Variants in ADGRV1 observed in about 807,000 individuals in gnomAD.
The protein encoded by ADGRV1 is adhesion G protein-coupled receptor V1.
A neutral mutation model predicts 596.2 loss-of-function variants in ADGRV1; 359 were observed. The observed-to-expected ratio is 0.60, with a 90% CI of 0.55 to 0.66. ADGRV1 has a LOEUF of 0.66. ADGRV1 is among the 30% of genes least tolerant of loss of function. The pLI is 0.00. For missense variants in ADGRV1, 7,274 were observed against 7,575.6 expected (o/e 0.96, Z 1.48); for synonymous variants, 2,681 against 2,679.2 (o/e 1.00, Z -0.02).
chr5:90,645,707 A>G (rs781734118), intron 15 of ADGRV1, among the ~76,000 whole-genome samples: 5 of 152,204 alleles, frequency 3.3e-5, no homozygotes. Context: ...TTTAGCTTAT[A>G]TAAGGCAAAA....
intron 50 of ADGRV1, among the ~76,000 whole-genome samples, chr5:90,734,920 TG>T (rs1490596852): frequency 1.4e-4 from 22 of 152,346 alleles, no homozygotes; most frequent in African/African-American, 5.3e-4. Flanking sequence ...TTATATAGTT[TG>T]GATATTAACC....
At chr5:90,787,590 C>CTTTTTTTTTTTTTT (rs35504697) in intron 67 of ADGRV1, among the ~76,000 whole-genome samples, 2 of 118,906 alleles carry the variant, frequency 1.7e-5, no homozygotes, top group Admixed American at 1.7e-4. Flanking sequence ...TTCTTTCTTT[C>CTTTTTTTTTTTTTT]TTTTTTTTTT....
intron 53 of ADGRV1, 81 bp from the exon 54 acceptor site, chr5:90,753,493 A>G: frequency 9.6e-7 from 1 of 1,045,686 alleles, no homozygotes; most frequent in Non-Finnish European, 1.4e-6. Context: ...GGTTTAATAA[A>G]AGAAAATCAA....
At chr5:91,162,501 C>G (rs2126969501) in intron 89 of ADGRV1, among the ~76,000 whole-genome samples, 1 of 152,160 alleles carries the variant, frequency 6.6e-6, no homozygotes, top group East Asian at 1.9e-4. Flanking sequence ...AGAGTGCAGG[C>G]AAGAGGATCC....
intron 84 of ADGRV1, among the ~76,000 whole-genome samples, chr5:90,984,100 T>G (rs1347567862): frequency 1.3e-5 from 2 of 152,218 alleles, no homozygotes; most frequent in African/African-American, 2.4e-5. Flanking sequence ...TCATTTAATC[T>G]TTATAATAAC....
intron 50 of ADGRV1, among the ~76,000 whole-genome samples, chr5:90,730,175 A>G (rs1055677500): frequency 3.9e-5 from 6 of 152,210 alleles, no homozygotes; most frequent in African/African-American, 1.4e-4. Context: ...GTATTTTAAT[A>G]GGAATGTAAC....
chr5:90,957,001 A>T (rs1438998732), intron 83 of ADGRV1, among the ~76,000 whole-genome samples: 1 of 152,152 alleles, frequency 6.6e-6, no homozygotes, highest in Non-Finnish European at 1.5e-5. Context: ...AGTGAAAAAG[A>T]TGCTAGCCCA....
chr5:90,877,183 A>G (rs1769295362), intron 83 of ADGRV1, among the ~76,000 whole-genome samples: 1 of 152,214 alleles, frequency 6.6e-6, no homozygotes, highest in Non-Finnish European at 1.5e-5. Flanking sequence ...GACAGACATT[A>G]GTAAAGGCAG....
intron 1 of ADGRV1, among the ~76,000 whole-genome samples, chr5:90,559,188 AAAG>A (rs1754485741): frequency 6.6e-6 from 1 of 152,156 alleles, no homozygotes; most frequent in Non-Finnish European, 1.5e-5. Flanking sequence ...GTCTGATCTC[AAAG>A]AAGGTGAGAA....
At chr5:90,666,368 A>G (rs1163440474) in intron 21 of ADGRV1, among the ~76,000 whole-genome samples, 1 of 152,056 alleles carries the variant, frequency 6.6e-6, no homozygotes, top group Non-Finnish European at 1.5e-5. Context: ...CCATTATGTA[A>G]TGGCCTTCTT....
intron 34 of ADGRV1, among the ~76,000 whole-genome samples, chr5:90,703,241 A>C (rs1400864300): frequency 3.3e-5 from 5 of 152,118 alleles, no homozygotes; most frequent in Non-Finnish European, 5.9e-5. Context: ...ATTTTTATGC[A>C]TGCATTGTGT....
At chr5:90,794,317 G>T (rs1287656709) in intron 70 of ADGRV1, among the ~76,000 whole-genome samples, 1 of 152,200 alleles carries the variant, frequency 6.6e-6, no homozygotes, top group Non-Finnish European at 1.5e-5. Flanking sequence ...TTAGCACCTG[G>T]TAAGTTGTTA....
At chr5:90,625,388 A>C in intron 6 of ADGRV1, 145 bp downstream of exon 6, 1 of 508,618 alleles carries the variant, frequency 2.0e-6, no homozygotes, top group Non-Finnish European at 3.5e-6. Flanking sequence ...TATTTATCTT[A>C]CTTAATTCAC....
At chr5:91,012,705 A>C (rs1407021112) in intron 85 of ADGRV1, among the ~76,000 whole-genome samples, 3 of 152,000 alleles carry the variant, frequency 2.0e-5, no homozygotes, top group Non-Finnish European at 4.4e-5. Flanking sequence ...AAAATACATA[A>C]TTATATATAT....
In ADGRV1 at chr5:91,104,855, CTTTTCT is replaced by C. The variant is rs1474193442; in HGVS notation, c.18432+2520_18432+2525del. On this transcript the variant is annotated intron_variant, in intron 87 of 89. Transcript: ENST00000405460. ...ACCAACCTTTTCTTTTCTTTCTTTT[CTTTTCT>C]TTTTTTTTTTTTTTTTGAGACAGAG... Among the ~76,000 whole-genome samples, 5 of 113,948 alleles carry C rather than the reference CTTTTCT, an allele frequency of 4.4e-5. No homozygotes were observed. In the East Asian group the frequency reaches 1.2e-3, roughly 27 times the overall value. The allele number at this position is 113,948 out of a possible 152,430, so 74.8% of individuals were successfully genotyped here. A position where few individuals can be genotyped will look rare whatever the true frequency, so the allele number is the denominator to read the frequency against.
intron 1 of ADGRV1, among the ~76,000 whole-genome samples, chr5:90,597,365 G>A (rs926149057): frequency 6.6e-6 from 1 of 152,178 alleles, no homozygotes; most frequent in Non-Finnish European, 1.5e-5. Flanking sequence ...CTTAGGGTTT[G>A]TTATAGACTT....
At chr5:91,058,161 A>T (rs1008895446) in intron 85 of ADGRV1, among the ~76,000 whole-genome samples, 2 of 151,078 alleles carry the variant, frequency 1.3e-5, no homozygotes, top group Admixed American at 6.6e-5. Context: ...GAGTTTAAAC[A>T]GTCAGGTGCT....
At chr5:90,681,278 ATT>A in intron 26 of ADGRV1, 35 bp from the exon 27 acceptor site, 1 of 1,453,062 alleles carries the variant, frequency 6.9e-7, no homozygotes, top group Non-Finnish European at 9.4e-7. Context: ...ACTGATCATC[ATT>A]TTTTTTTTCT....
intron 73 of ADGRV1, among the ~76,000 whole-genome samples, chr5:90,807,983 C>T (rs1483753660): frequency 6.6e-6 from 1 of 152,156 alleles, no homozygotes; most frequent in Admixed American, 6.5e-5. Context: ...GGTACCATCT[C>T]CACTAAGAGC....
Sources: gnomAD v4.1 joint callset for allele counts (sites outside exome capture counted in the v4.1 genomes callset) on GRCh38, gnomAD v4.1.1 for gene constraint, MANE v1.5 for transcripts, NCBI Gene and HGNC (gene_info 2026-07-23, HGNC 2026-07-21) for gene names.